Variants in ARL5B observed in about 807,000 individuals in gnomAD.
The protein encoded by ARL5B is ARF like GTPase 5B, also known as ADP-ribosylation factor-like protein 5B.
A neutral mutation model predicts 26.9 loss-of-function variants in ARL5B; 10 were observed. The observed-to-expected ratio is 0.37, with a 90% CI of 0.23 to 0.63. ARL5B has a LOEUF of 0.63. ARL5B is among the 30% of genes least tolerant of loss of function. ARL5B has a pLI of 0.62. For synonymous variants in ARL5B, 87 were observed against 70.4 expected, an observed-to-expected ratio of 1.24 and a Z score of -1.18; for missense variants, 167 against 213.9, an observed-to-expected ratio of 0.78 and a Z score of 1.37.
Position 18,659,508 on chromosome 10 carries a change from C to T in ARL5B, c.-130C>T, listed in dbSNP as rs190486132. On this transcript the variant is annotated 5_prime_UTR_variant, in exon 1 of 6. Transcript: ENST00000377275. The stretch of plus-strand genomic sequence containing the variant: ...GAGTGGTCGGGTCGAGGCTTCTCGG[C>T]CTAGCAGTGCCCTCGCTGCGCGATC... 9.5e-5 allele frequency: 115 copies of T among 1,216,316 alleles called. No homozygotes were observed. Among genetic ancestry groups the T allele is most frequent in the Admixed American group, 1.2e-4 (4 of 32,644 alleles). The allele number at this position is 1,216,316 out of a possible 1,614,324, so 75.3% of individuals were successfully genotyped here. A position where few individuals can be genotyped will look rare whatever the true frequency, so the allele number is the denominator to read the frequency against.
In ARL5B at chr10:18,679,313, T is replaced by C. The variant is rs1195404938; in HGVS notation, c.*4097T>C. 6.6e-6 allele frequency: 1 copy of C among 151,898 alleles called. No individual in the cohort carries two copies. Among genetic ancestry groups the C allele is most frequent in the African/African-American group, 2.4e-5 (1 of 41,422 alleles). The allele number at this position is 151,898 out of a possible 1,614,324, so 9.4% of individuals were successfully genotyped here. The stretch of plus-strand genomic sequence containing the variant: ...GCTTGTACTAATTGAATGGAAGTGG[T>C]TAATTTGTTCAGAGTTTATTGCCGT... On this transcript the variant is annotated 3_prime_UTR_variant, in exon 6 of 6. Coordinates refer to ENST00000377275, the MANE Select transcript of ARL5B (RefSeq NM_178815.5).
rs1190672996 is a variant in ARL5B at position 18,681,145 on chromosome 10, G to C, written c.*5929G>C. On this transcript the variant is annotated 3_prime_UTR_variant, in exon 6 of 6. Transcript: ENST00000377275. ...GAATTAGGAATTGGATTGCTCTGTG[G>C]GTCCTCCGGTATTGTGCAGAGGAAA... 1 of 152,094 alleles carries C rather than the reference G, an allele frequency of 6.6e-6. No individual in the cohort carries two copies. Among genetic ancestry groups the C allele is most frequent in the Non-Finnish European group, 1.5e-5 (1 of 68,016 alleles). The allele number at this position is 152,094 out of a possible 1,614,324, so 9.4% of individuals were successfully genotyped here. A position where few individuals can be genotyped will look rare whatever the true frequency, so the allele number is the denominator to read the frequency against.
rs939217896 is a variant in ARL5B, at chr10:18,676,472, C to T, written c.*1256C>T. On this transcript the variant is annotated 3_prime_UTR_variant, in exon 6 of 6. Transcript: ENST00000377275. ...GTTTATTTATTGGATGGCATTAAAA[C>T]ATTTTTGAGGCAGTTGTCTAATATG... 2 of 151,890 alleles carry T rather than the reference C, an allele frequency of 1.3e-5. No individual in the cohort carries two copies. The highest frequency in any genetic ancestry group is 6.6e-5 in the Admixed American group (1 of 15,254). 9.4% of individuals were successfully genotyped at this position (151,890 alleles called of 1,614,324 possible).
At position 18,679,421 on chromosome 10, in the gene ARL5B, A is replaced by T. The variant is rs990708571; in HGVS notation, c.*4205A>T. 1 of 151,938 alleles carries T rather than the reference A, an allele frequency of 6.6e-6. No individual in the cohort carries two copies. The highest frequency in any genetic ancestry group is 6.6e-5 in the Admixed American group (1 of 15,246). The allele number at this position is 151,938 out of a possible 1,614,324, so 9.4% of individuals were successfully genotyped here. A position where few individuals can be genotyped will look rare whatever the true frequency, so the allele number is the denominator to read the frequency against. ...AGTAGCCAGGTTGTCAGTCTTTTAC[A>T]AATGTCTACATAAATGTCTACATAA... On this transcript the variant is annotated 3_prime_UTR_variant, in exon 6 of 6. Transcript: ENST00000377275.
chr10:18,670,126 G>A (rs529443879), intron 3 of ARL5B, among the ~76,000 whole-genome samples: 9 of 152,172 alleles, frequency 5.9e-5, no homozygotes, highest in Non-Finnish European at 1.3e-4. Flanking sequence ...ATAATAGCAT[G>A]TGTGTATGTG....
intron 3 of ARL5B, 89 bp downstream of exon 3, chr10:18,668,766 T>A: frequency 7.9e-7 from 1 of 1,260,722 alleles, no homozygotes; most frequent in Non-Finnish European, 1.0e-6. Flanking sequence ...GTATTGACAG[T>A]TGCCTTTTTT....
Position 18,667,471 on chromosome 10 carries a change from A to G in ARL5B, c.107+836A>G, listed in dbSNP as rs140872045. On this transcript the variant is annotated intron_variant, in intron 2 of 5. Transcript: ENST00000377275. ...TTGGTGATTATGTGTTTAAATATGAATTAGCTTTTAAACATCACATATAAA... is the reference window on the plus strand; with the variant it reads ...TTGGTGATTATGTGTTTAAATATGAGTTAGCTTTTAAACATCACATATAAA... Among the ~76,000 whole-genome samples, 32 of 152,278 alleles carry G rather than the reference A, an allele frequency of 2.1e-4. 2 individuals carry two copies. In the East Asian group the frequency reaches 3.3e-3, roughly 16 times the overall value.
At chr10:18,661,009 C>G (rs955017863) in intron 1 of ARL5B, among the ~76,000 whole-genome samples, 7 of 152,070 alleles carry the variant, frequency 4.6e-5, no homozygotes, top group African/African-American at 1.7e-4. Flanking sequence ...CCACCACGCC[C>G]GGCCTATTTT....
chr10:18,675,159 T>C lies in ARL5B; in HGVS notation c.492-9T>C. 6.2e-7 allele frequency: 1 copy of C among 1,611,644 alleles called. No homozygotes were observed. Among genetic ancestry groups the C allele is most frequent in the Non-Finnish European group, 8.5e-7 (1 of 1,178,410 alleles). On this transcript the variant is annotated splice_polypyrimidine_tract_variant and intron_variant, in intron 5 of 5. Transcript: ENST00000377275. ...TTTTTAATTAAAAATACTTCTATCTTTTGTTTAGGTTATGCCAAGGTCTAG... is the reference window on the plus strand; with the variant it reads ...TTTTTAATTAAAAATACTTCTATCTCTTGTTTAGGTTATGCCAAGGTCTAG...
rs1489182210 is a variant in ARL5B at position 18,681,362 on chromosome 10, T to C, written c.*6146T>C. ...TGATGGTGGGATTGTTTAAATGACA[T>C]GTTTTAAAGTTTTTAATACTTTATT... On this transcript the variant is annotated 3_prime_UTR_variant, in exon 6 of 6. Coordinates refer to ENST00000377275, the MANE Select transcript of ARL5B (RefSeq NM_178815.5). 1 of 152,246 alleles carries C rather than the reference T, an allele frequency of 6.6e-6. No individual in the cohort carries two copies. The highest frequency in any genetic ancestry group is 1.5e-5 in the Non-Finnish European group (1 of 68,046). The allele number at this position is 152,246 out of a possible 1,614,324, so 9.4% of individuals were successfully genotyped here. A position where few individuals can be genotyped will look rare whatever the true frequency, so the allele number is the denominator to read the frequency against.
chr10:18,670,337 G>A (rs536810470), intron 3 of ARL5B, among the ~76,000 whole-genome samples: 6 of 152,116 alleles, frequency 3.9e-5, no homozygotes, highest in East Asian at 1.9e-4. Flanking sequence ...AGGGCCAGGC[G>A]CAGTGGCTCA....
intron 2 of ARL5B, among the ~76,000 whole-genome samples, chr10:18,667,194 ATAGTAT>A (rs2059865200): frequency 6.6e-6 from 1 of 152,224 alleles, no homozygotes; most frequent in Non-Finnish European, 1.5e-5. Context: ...CAATGAAATG[ATAGTAT>A]TAAGCAGTAG....
In ARL5B at chr10:18,659,991, C is replaced by T. The variant is rs2059821782; in HGVS notation, c.46+308C>T. 1.4e-5 allele frequency: 13 copies of T among 962,394 alleles called. No homozygotes were observed. The South Asian group carries it at 5.8e-4, about 43-fold the overall frequency. 59.6% of individuals were successfully genotyped at this position (962,394 alleles called of 1,614,324 possible). ...GCCAGGAGGCGTATGGAGGGCCTTT[C>T]TCGTCTTTATTGAAGCGTGCTTGTG... On this transcript the variant is annotated intron_variant, in intron 1 of 5. Coordinates refer to ENST00000377275, the MANE Select transcript of ARL5B (RefSeq NM_178815.5).
At position 18,679,337 on chromosome 10, in the gene ARL5B, G is replaced by A. The variant is rs1246628104; in HGVS notation, c.*4121G>A. On this transcript the variant is annotated 3_prime_UTR_variant, in exon 6 of 6. Transcript: ENST00000377275. Reference sequence around the variant, plus strand: ...GTTAATTTGTTCAGAGTTTATTGCCGTTTGATGCCACCCCAGTCTATAGTT... The same window carrying A: ...GTTAATTTGTTCAGAGTTTATTGCCATTTGATGCCACCCCAGTCTATAGTT... The A allele has an allele frequency of 1.3e-5, 2 of 151,870 alleles. No individual in the cohort carries two copies. The highest frequency in any genetic ancestry group is 2.9e-5 in the Non-Finnish European group (2 of 67,824). 9.4% of individuals were successfully genotyped at this position (151,870 alleles called of 1,614,324 possible).
intron 3 of ARL5B, among the ~76,000 whole-genome samples, chr10:18,671,311 T>C (rs1030859022): frequency 6.6e-6 from 1 of 152,066 alleles, no homozygotes; most frequent in African/African-American, 2.4e-5. Context: ...TAGCAGGGAC[T>C]ACAGTACACA....
rs1435990209 is a variant in ARL5B, at chr10:18,676,744, C to T, written c.*1528C>T. 1.3e-5 allele frequency: 2 copies of T among 151,732 alleles called. No homozygotes were observed. The highest frequency in any genetic ancestry group is 4.8e-5 in the African/African-American group (2 of 41,354). 9.4% of individuals were successfully genotyped at this position (151,732 alleles called of 1,614,324 possible). ...TTTTTGTAAGTTGATTTAAATTTTG[C>T]TCTTTTTTCAGGTGTGCTTGGTTTA... On this transcript the variant is annotated 3_prime_UTR_variant, in exon 6 of 6. Coordinates refer to ENST00000377275, the MANE Select transcript of ARL5B (RefSeq NM_178815.5).
chr10:18,664,666 C>T (rs1026357991), intron 1 of ARL5B, among the ~76,000 whole-genome samples: 3 of 151,168 alleles, frequency 2.0e-5, no homozygotes, highest in African/African-American at 4.9e-5. Context: ...TCTTGATCTC[C>T]TGACCTCGTG....
Position 18,674,340 on chromosome 10 carries a change from T to C in ARL5B, c.491+205T>C, listed in dbSNP as rs112142189. ...AACTTAAAAACTTTTAATGTAAATA[T>C]AATGTTTTACCAAAAAGCAATAAAC... On this transcript the variant is annotated intron_variant, in intron 5 of 5. Transcript: ENST00000377275. 4.2e-3 allele frequency among the ~76,000 whole-genome samples: 638 copies of C among 152,352 alleles called. 3 individuals are homozygous for C. The highest frequency in any genetic ancestry group is 0.013 in the African/African-American group (523 of 41,592).
intron 5 of ARL5B, among the ~76,000 whole-genome samples, chr10:18,674,357 G>A (rs1372740834): frequency 6.6e-6 from 1 of 152,110 alleles, no homozygotes; most frequent in Non-Finnish European, 1.5e-5. Flanking sequence ...TTACCAAAAA[G>A]CAATAAACTA....
Sources: gnomAD v4.1 joint callset for allele counts (sites outside exome capture counted in the v4.1 genomes callset) on GRCh38, gnomAD v4.1.1 for gene constraint, MANE v1.5 for transcripts, NCBI Gene and HGNC (gene_info 2026-07-23, HGNC 2026-07-21) for gene names.